The following TPD52L1 variants were observed in gnomAD, a reference collection of about 807,000 sequenced individuals.
The protein encoded by TPD52L1 is tumor protein D53.
In TPD52L1, 18 loss-of-function variants were observed where a neutral mutation model predicts 28.7. The ratio of observed to expected loss-of-function variants is 0.63; its 90% confidence interval spans 0.43 to 0.93. The LOEUF (loss-of-function observed/expected upper bound fraction) is 0.93, where lower values mean the gene tolerates loss of function less well. Among genes scored for constraint, TPD52L1 ranks in the 40% least tolerant of loss-of-function variants. The pLI, the probability that TPD52L1 is intolerant of heterozygous loss-of-function variation, is 0.00. For missense variants in TPD52L1, 203 were observed against 254.8 expected, an observed-to-expected ratio of 0.80 and a Z score of 1.39; for synonymous variants, 75 against 88.8, an observed-to-expected ratio of 0.84 and a Z score of 0.88.
intron 3 of TPD52L1, among the ~76,000 whole-genome samples, chr6:125,235,796 C>A (rs1052796954): frequency 2.6e-5 from 4 of 152,252 alleles, no homozygotes; most frequent in African/African-American, 9.6e-5. Context: ...ATCCCAGCTG[C>A]TGGGGAGGCT....
At chr6:125,231,212 A>T (rs1239492429) in intron 3 of TPD52L1, 1 of 152,222 alleles carries the variant, frequency 6.6e-6, no homozygotes, top group Admixed American at 6.5e-5. Flanking sequence ...ACCTTCCTGC[A>T]TGGCCTTCCT....
intron 1 of TPD52L1, among the ~76,000 whole-genome samples, chr6:125,159,973 G>A (rs897908100): frequency 9.2e-5 from 14 of 152,244 alleles, no homozygotes; most frequent in Middle Eastern, 3.4e-3. Context: ...TCTCATGATA[G>A]CAAGTCTCAC....
chr6:125,237,287 G>T (rs1180305434), intron 3 of TPD52L1, among the ~76,000 whole-genome samples: 1 of 152,180 alleles, frequency 6.6e-6, no homozygotes, highest in Non-Finnish European at 1.5e-5. Context: ...GGATAAGGTG[G>T]AAGTATGGAG....
intron 1 of TPD52L1, among the ~76,000 whole-genome samples, chr6:125,162,990 T>C (rs773723921): frequency 8.5e-5 from 13 of 152,186 alleles, no homozygotes; most frequent in Non-Finnish European, 1.5e-4. Flanking sequence ...CCAAGTTTAA[T>C]TGAGTCCAGA....
rs572304870 is a variant in TPD52L1 at position 125,263,007 on chromosome 6, GC to G, written c.*48del. 195 of 1,574,440 alleles carry G rather than the reference GC, an allele frequency of 1.2e-4. No homozygotes were observed. In the African/African-American group the frequency reaches 2.3e-3, roughly 18 times the overall value. The stretch of plus-strand genomic sequence containing the variant: ...GCATCCAGAAACCGGCCACTACCCA[GC>G]CCATCTCTGCCTGTGCTTATCCAGA... On this transcript the variant is annotated 3_prime_UTR_variant, in exon 7 of 7. Coordinates refer to ENST00000534000, the MANE Select transcript of TPD52L1 (RefSeq NM_003287.4).
chr6:125,171,077 T>C (rs1791270127), intron 1 of TPD52L1, among the ~76,000 whole-genome samples: 1 of 152,182 alleles, frequency 6.6e-6, no homozygotes, highest in Non-Finnish European at 1.5e-5. Flanking sequence ...GGAAACTAGT[T>C]CTCAGGTGTG....
chr6:125,235,101 C>CAATAAT (rs147249181), intron 3 of TPD52L1, among the ~76,000 whole-genome samples: 5,244 of 142,502 alleles, frequency 0.037, 190 homozygotes, highest in African/African-American at 0.096. Flanking sequence ...CTACAAATAA[C>CAATAAT]AATAATAATA....
chr6:125,224,016 G>T (rs1000090963), intron 2 of TPD52L1, among the ~76,000 whole-genome samples: 7 of 150,654 alleles, frequency 4.6e-5, no homozygotes, highest in Non-Finnish European at 8.9e-5. Context: ...ATTCTCATTG[G>T]TCTTATTACC....
At chr6:125,249,117 A>T (rs577241640) in intron 4 of TPD52L1, among the ~76,000 whole-genome samples, 41 of 151,248 alleles carry the variant, frequency 2.7e-4, no homozygotes, top group African/African-American at 9.2e-4. Flanking sequence ...ATAGTTTTTC[A>T]TATTATATAC....
At chr6:125,207,571 G>T (rs1794231285) in intron 1 of TPD52L1, among the ~76,000 whole-genome samples, 1 of 152,214 alleles carries the variant, frequency 6.6e-6, no homozygotes. Flanking sequence ...TAGAGCAGAA[G>T]TCAGTTTTGC....
chr6:125,237,817 GT>G (rs1018100731), intron 3 of TPD52L1, among the ~76,000 whole-genome samples: 2 of 150,698 alleles, frequency 1.3e-5, no homozygotes, highest in African/African-American at 4.8e-5. Flanking sequence ...ATTTTGTTTT[GT>G]TTTGTTTTGT....
At chr6:125,190,450 C>T (rs1292390460) in intron 1 of TPD52L1, among the ~76,000 whole-genome samples, 1 of 152,246 alleles carries the variant, frequency 6.6e-6, no homozygotes, top group East Asian at 1.9e-4. Context: ...CAGTCCCTAA[C>T]CTTTTGGGTA....
intron 3 of TPD52L1, among the ~76,000 whole-genome samples, chr6:125,235,551 G>T (rs1325780191): frequency 2.0e-5 from 3 of 152,186 alleles, no homozygotes; most frequent in Non-Finnish European, 4.4e-5. Context: ...CCTAGGCTAT[G>T]GTGTGAGTGC....
chr6:125,208,007 A>G (rs1334207436), intron 1 of TPD52L1, among the ~76,000 whole-genome samples: 1 of 152,204 alleles, frequency 6.6e-6, no homozygotes, highest in Non-Finnish European at 1.5e-5. Flanking sequence ...CCTTAAGAGA[A>G]GTAACTGAGC....
chr6:125,200,343 T>C (rs753957350), intron 1 of TPD52L1, among the ~76,000 whole-genome samples: 2 of 152,230 alleles, frequency 1.3e-5, no homozygotes, highest in Non-Finnish European at 2.9e-5. Context: ...GTAAAGAATC[T>C]ATTTGAAATA....
At chr6:125,199,186 G>A (rs754706055) in intron 1 of TPD52L1, among the ~76,000 whole-genome samples, 1 of 152,158 alleles carries the variant, frequency 6.6e-6, no homozygotes, top group African/African-American at 2.4e-5. Context: ...TAATTCTAAT[G>A]ACTCGATTTG....
chr6:125,171,445 A>G (rs182247900), intron 1 of TPD52L1, among the ~76,000 whole-genome samples: 1 of 152,308 alleles, frequency 6.6e-6, no homozygotes, highest in Non-Finnish European at 1.5e-5. Context: ...TGACAAACTG[A>G]TGGGATGTAA....
intron 5 of TPD52L1, among the ~76,000 whole-genome samples, chr6:125,254,558 C>G (rs1016315196): frequency 1.3e-5 from 2 of 152,034 alleles, no homozygotes; most frequent in Non-Finnish European, 1.5e-5. Flanking sequence ...AGAGATGAAG[C>G]CTTTGGGATC....
chr6:125,250,700 A>C (rs1797213010), intron 4 of TPD52L1, among the ~76,000 whole-genome samples: 1 of 152,198 alleles, frequency 6.6e-6, no homozygotes, highest in African/African-American at 2.4e-5. Flanking sequence ...ATATTCAAAC[A>C]CTAATTGGGT....
Sources: gnomAD v4.1 joint callset for allele counts (sites outside exome capture counted in the v4.1 genomes callset) on GRCh38, gnomAD v4.1.1 for gene constraint, MANE v1.5 for transcripts, NCBI Gene and HGNC (gene_info 2026-07-23, HGNC 2026-07-21) for gene names.